TRHDE: variants seen among roughly 807,000 people sequenced by gnomAD.
TRHDE encodes thyrotropin-releasing hormone-degrading ectoenzyme.
Under a neutral mutation model 125.7 loss-of-function variants are expected in TRHDE, and 72 were observed. That is an observed-to-expected ratio of 0.57 (90% confidence interval 0.47 to 0.70). TRHDE has a LOEUF of 0.70. TRHDE is among the 30% of genes least tolerant of loss of function. The pLI, the probability that TRHDE is intolerant of heterozygous loss-of-function variation, is 0.00. For missense variants in TRHDE, 1,110 were observed against 1,327.1 expected (o/e 0.84, Z 2.54); for synonymous variants, 509 against 509.1 (o/e 1.00, Z 0.00).
chr12:72,646,976 A>AACAG (rs1435791527), intron 15 of TRHDE, among the ~76,000 whole-genome samples: 1 of 152,072 alleles, frequency 6.6e-6, no homozygotes, highest in Admixed American at 6.6e-5. Flanking sequence ...AAATGGACTT[A>AACAG]ACAGACATAC....
chr12:72,170,141 G>A (rs1465473793), intron 2 of TRHDE, among the ~76,000 whole-genome samples: 2 of 152,158 alleles, frequency 1.3e-5, no homozygotes, highest in East Asian at 3.9e-4. Flanking sequence ...AGGTGTTAAG[G>A]CTAGTATAGC....
At chr12:72,327,336 AG>A (rs1869386151) in intron 2 of TRHDE, among the ~76,000 whole-genome samples, 1 of 152,178 alleles carries the variant, frequency 6.6e-6, no homozygotes, top group Non-Finnish European at 1.5e-5. Flanking sequence ...GGGCAGTGAT[AG>A]GAGTATGGTC....
intron 2 of TRHDE, among the ~76,000 whole-genome samples, chr12:72,338,108 T>G (rs901854970): frequency 6.6e-6 from 1 of 152,216 alleles, no homozygotes; most frequent in African/African-American, 2.4e-5. Context: ...TGCTTATGTT[T>G]TCACACAGAA....
intron 15 of TRHDE, among the ~76,000 whole-genome samples, chr12:72,629,315 A>G (rs1414368770): frequency 6.6e-6 from 1 of 151,798 alleles, no homozygotes; most frequent in Non-Finnish European, 1.5e-5. Context: ...TAATTTTTAC[A>G]TAAGTATGCT....
chr12:72,409,528 T>C (rs1331380368), intron 3 of TRHDE, among the ~76,000 whole-genome samples: 2 of 152,236 alleles, frequency 1.3e-5, no homozygotes, highest in East Asian at 3.9e-4. Flanking sequence ...TCCTGAGCAC[T>C]GTTGAAACTG....
chr12:72,262,629 A>G (rs973593542), intron 2 of TRHDE: 3 of 152,164 alleles, frequency 2.0e-5, no homozygotes, highest in African/African-American at 7.2e-5. Context: ...ATATCTTTAC[A>G]GATAGATATA....
chr12:72,199,871 A>G (rs1877520812), intron 2 of TRHDE, among the ~76,000 whole-genome samples: 2 of 152,132 alleles, frequency 1.3e-5, no homozygotes, highest in Admixed American at 6.5e-5. Flanking sequence ...TCATGTTTGG[A>G]TCCTAGTATG....
intron 15 of TRHDE, among the ~76,000 whole-genome samples, chr12:72,646,610 C>T (rs1874290554): frequency 6.6e-6 from 1 of 151,932 alleles, no homozygotes; most frequent in Non-Finnish European, 1.5e-5. Flanking sequence ...TTTAAGGACA[C>T]ATATAGGCTG....
At chr12:72,396,758 A>ACAAT (rs372011374) in intron 3 of TRHDE, among the ~76,000 whole-genome samples, 17 of 152,204 alleles carry the variant, frequency 1.1e-4, no homozygotes, top group African/African-American at 3.6e-4. Context: ...AAACAAACAA[A>ACAAT]CAAACAAAAA....
intron 18 of TRHDE, among the ~76,000 whole-genome samples, chr12:72,658,031 CTA>C (rs1322843117): frequency 1.3e-5 from 2 of 152,104 alleles, no homozygotes; most frequent in Non-Finnish European, 2.9e-5. Context: ...GTCCAGTTTC[CTA>C]TGATTATCCC....
At chr12:72,578,344 A>AG (rs1871094450) in intron 12 of TRHDE, among the ~76,000 whole-genome samples, 1 of 152,124 alleles carries the variant, frequency 6.6e-6, no homozygotes. Context: ...GTTCAACCCC[A>AG]AAGAGTGACA....
chr12:72,572,208 A>G (rs944059562), intron 10 of TRHDE, among the ~76,000 whole-genome samples: 2 of 152,144 alleles, frequency 1.3e-5, no homozygotes, highest in Non-Finnish European at 2.9e-5. Context: ...TGACCTTTTT[A>G]AAAAATTTTT....
chr12:72,543,970 A>G (rs1869286234), intron 7 of TRHDE, among the ~76,000 whole-genome samples: 2 of 151,246 alleles, frequency 1.3e-5, no homozygotes, highest in Admixed American at 6.6e-5. Flanking sequence ...ATATCATATT[A>G]AACTTTCATT....
chr12:72,556,080 T>C (rs1869906874), intron 7 of TRHDE, among the ~76,000 whole-genome samples: 1 of 152,222 alleles, frequency 6.6e-6, no homozygotes, highest in African/African-American at 2.4e-5. Flanking sequence ...AAAAATTAAA[T>C]ATACATGTCT....
chr12:72,261,845 T>A (rs1443730587), intron 2 of TRHDE, among the ~76,000 whole-genome samples: 1 of 152,208 alleles, frequency 6.6e-6, no homozygotes, highest in Non-Finnish European at 1.5e-5. Context: ...GGCATTATTG[T>A]TTGAATTAAT....
At chr12:72,383,931 G>T (rs1872303170) in intron 3 of TRHDE, among the ~76,000 whole-genome samples, 1 of 151,984 alleles carries the variant, frequency 6.6e-6, no homozygotes, top group Admixed American at 6.6e-5. Context: ...TGATTTGATT[G>T]TCAGAGGAAT....
At chr12:72,370,810 T>C (rs1592395692) in intron 2 of TRHDE, among the ~76,000 whole-genome samples, 1 of 152,088 alleles carries the variant, frequency 6.6e-6, no homozygotes, top group Non-Finnish European at 1.5e-5. Flanking sequence ...TGGCGTGATC[T>C]TGGCTCACTG....
At chr12:72,187,232 T>G (rs1877235579) in intron 2 of TRHDE, among the ~76,000 whole-genome samples, 1 of 151,976 alleles carries the variant, frequency 6.6e-6, no homozygotes, top group African/African-American at 2.4e-5. Context: ...TACCTTATTT[T>G]ACGGATAATA....
chr12:72,573,801 A>G (rs1032792554), intron 10 of TRHDE, among the ~76,000 whole-genome samples: 6 of 151,986 alleles, frequency 3.9e-5, no homozygotes, highest in African/African-American at 1.4e-4. Flanking sequence ...TAGCATAGTA[A>G]AAATTTGGAC....
Sources: gnomAD v4.1 joint callset for allele counts (sites outside exome capture counted in the v4.1 genomes callset) on GRCh38, gnomAD v4.1.1 for gene constraint, MANE v1.5 for transcripts, NCBI Gene and HGNC (gene_info 2026-07-23, HGNC 2026-07-21) for gene names.